Variants in CRIM1 observed in about 807,000 individuals in gnomAD.
CRIM1 encodes the protein cysteine rich transmembrane BMP regulator 1.
A neutral mutation model predicts 116.4 loss-of-function variants in CRIM1; 32 were observed. The ratio of observed to expected loss-of-function variants is 0.27; its 90% confidence interval spans 0.21 to 0.37. The LOEUF is 0.37. Among genes scored for constraint, CRIM1 ranks in the 10% least tolerant of loss-of-function variants. CRIM1 has a pLI of 1.00. For missense variants in CRIM1, 1,331 were observed against 1,354.8 expected (o/e 0.98, Z 0.28); for synonymous variants, 590 against 509.2 (o/e 1.16, Z -2.13).
intron 5 of CRIM1, among the ~76,000 whole-genome samples, chr2:36,475,452 T>G (rs1036735655): frequency 6.6e-6 from 1 of 152,244 alleles, no homozygotes; most frequent in Non-Finnish European, 1.5e-5. Context: ...TTGTTGAACT[T>G]GTTTATACAT....
chr2:36,434,959 G>A (rs1437278177), intron 2 of CRIM1, among the ~76,000 whole-genome samples: 2 of 152,100 alleles, frequency 1.3e-5, no homozygotes, highest in Non-Finnish European at 2.9e-5. Flanking sequence ...TCACTCGCCT[G>A]GTGACACATG....
chr2:36,407,634 T>C (rs1174430805), intron 2 of CRIM1, among the ~76,000 whole-genome samples: 1 of 151,690 alleles, frequency 6.6e-6, no homozygotes, highest in African/African-American at 2.4e-5. Flanking sequence ...GGTTGAATAA[T>C]TATACCTGCA....
intron 13 of CRIM1, among the ~76,000 whole-genome samples, chr2:36,523,068 C>T (rs1460402873): frequency 3.3e-5 from 5 of 151,718 alleles, no homozygotes; most frequent in African/African-American, 9.7e-5. Context: ...AATTCTCCTG[C>T]CTCAGCCTCC....
rs1479601900 is a variant in CRIM1, at chr2:36,549,564, C to G, written c.*863C>G. On this transcript the variant is annotated 3_prime_UTR_variant, in exon 17 of 17. Coordinates refer to ENST00000280527, the MANE Select transcript of CRIM1 (RefSeq NM_016441.3). ...GGCTATATTTCACTGTTTGTTGTTG[C>G]TTTGTTCTGTTATATTGTTGGTTGT... 1 of 151,984 alleles carries G rather than the reference C, an allele frequency of 6.6e-6. No individual in the cohort carries two copies. Among genetic ancestry groups the G allele is most frequent in the Non-Finnish European group, 1.5e-5 (1 of 67,926 alleles). The allele number at this position is 151,984 out of a possible 1,614,324, so 9.4% of individuals were successfully genotyped here.
intron 8 of CRIM1, among the ~76,000 whole-genome samples, chr2:36,502,406 C>T (rs1311235465): frequency 6.6e-6 from 1 of 152,158 alleles, no homozygotes; most frequent in African/African-American, 2.4e-5. Flanking sequence ...CCTGAGTGCA[C>T]CTCTGTTTCA....
chr2:36,368,479 C>A (rs1669741175), intron 1 of CRIM1, among the ~76,000 whole-genome samples: 1 of 152,210 alleles, frequency 6.6e-6, no homozygotes, highest in Non-Finnish European at 1.5e-5. Context: ...TATGAACCTG[C>A]GGCTCTAAAA....
chr2:36,360,840 G>C (rs1345015631), intron 1 of CRIM1, among the ~76,000 whole-genome samples: 1 of 152,152 alleles, frequency 6.6e-6, no homozygotes, highest in African/African-American at 2.4e-5. Context: ...CAAAATATCA[G>C]CTTCTATAGT....
intron 2 of CRIM1, among the ~76,000 whole-genome samples, chr2:36,425,419 C>T (rs955588720): frequency 6.6e-6 from 1 of 152,160 alleles, no homozygotes; most frequent in Non-Finnish European, 1.5e-5. Context: ...GTGTTAGACT[C>T]ATTACTGAAA....
At chr2:36,374,636 C>G (rs1439214171) in intron 1 of CRIM1, among the ~76,000 whole-genome samples, 3 of 152,242 alleles carry the variant, frequency 2.0e-5, no homozygotes, top group Middle Eastern at 3.4e-3. Flanking sequence ...TCCTCATTTC[C>G]TTTCCCCCTT....
intron 1 of CRIM1, among the ~76,000 whole-genome samples, chr2:36,377,626 G>A (rs1214765041): frequency 6.6e-6 from 1 of 152,142 alleles, no homozygotes. Context: ...TAAAGCACTT[G>A]AATAGTGGCT....
chr2:36,539,621 C>T (rs183767860), intron 14 of CRIM1, among the ~76,000 whole-genome samples: 2 of 152,048 alleles, frequency 1.3e-5, no homozygotes, highest in Admixed American at 6.5e-5. Context: ...TTTTAAGAAT[C>T]CGGGCGAGAG....
At chr2:36,472,238 G>C (rs1458078013) in intron 5 of CRIM1, among the ~76,000 whole-genome samples, 1 of 151,930 alleles carries the variant, frequency 6.6e-6, no homozygotes, top group East Asian at 1.9e-4. Flanking sequence ...GGAGATTGTG[G>C]CAATCTCCAC....
At chr2:36,521,382 G>C (rs1489194457) in intron 12 of CRIM1, among the ~76,000 whole-genome samples, 2 of 152,118 alleles carry the variant, frequency 1.3e-5, no homozygotes, top group African/African-American at 4.8e-5. Flanking sequence ...GTTTTTGGTA[G>C]TCTGGTACAA....
At chr2:36,360,329 A>G (rs1572549004) in intron 1 of CRIM1, among the ~76,000 whole-genome samples, 1 of 152,308 alleles carries the variant, frequency 6.6e-6, no homozygotes, top group South Asian at 2.1e-4. Flanking sequence ...GTTGTATTAG[A>G]TTCAGGTGAT....
chr2:36,515,969 T>A (rs1296502963), intron 11 of CRIM1, among the ~76,000 whole-genome samples: 1 of 152,212 alleles, frequency 6.6e-6, no homozygotes, highest in Non-Finnish European at 1.5e-5. Flanking sequence ...TCATTGTAAT[T>A]CTCTTCCTCT....
chr2:36,485,564 G>T (rs1679751188), intron 7 of CRIM1, among the ~76,000 whole-genome samples: 2 of 152,314 alleles, frequency 1.3e-5, no homozygotes, highest in South Asian at 4.1e-4. Context: ...GCACATATCT[G>T]GGTGGGAATT....
At chr2:36,363,059 G>C (rs1346840291) in intron 1 of CRIM1, among the ~76,000 whole-genome samples, 1 of 151,978 alleles carries the variant, frequency 6.6e-6, no homozygotes, top group Non-Finnish European at 1.5e-5. Context: ...AATTAGCCAG[G>C]CTTGGTGGCA....
chr2:36,496,126 A>C (rs1018598781), intron 7 of CRIM1, among the ~76,000 whole-genome samples: 3 of 152,188 alleles, frequency 2.0e-5, no homozygotes, highest in African/African-American at 7.2e-5. Context: ...GACCCAAGAC[A>C]CATGTGTTAC....
intron 2 of CRIM1, among the ~76,000 whole-genome samples, chr2:36,429,928 A>G (rs1674751178): frequency 3.3e-5 from 5 of 152,200 alleles, no homozygotes. Flanking sequence ...AACTAGAAGT[A>G]AGGGACCAGG....
Sources: gnomAD v4.1 joint callset for allele counts (sites outside exome capture counted in the v4.1 genomes callset) on GRCh38, gnomAD v4.1.1 for gene constraint, MANE v1.5 for transcripts, NCBI Gene and HGNC (gene_info 2026-07-23, HGNC 2026-07-21) for gene names.